Variants in KALRN observed in about 807,000 individuals in gnomAD.
KALRN encodes the protein kalirin RhoGEF kinase, also known as kalirin.
Under a neutral mutation model 353.7 loss-of-function variants are expected in KALRN, and 70 were observed. That is an observed-to-expected ratio of 0.20 (90% CI 0.16 to 0.24). The LOEUF is 0.24. Ranked by LOEUF, KALRN falls within the 10% of genes least tolerant of loss-of-function variation. KALRN has a pLI of 1.00. For synonymous variants in KALRN, 1,391 were observed against 1,434.8 expected (o/e 0.97, Z 0.69); for missense variants, 2,791 against 3,756.7 (o/e 0.74, Z 6.72).
rs3054177 is a variant in KALRN at position 124,265,298 on chromosome 3, C to CTTTTTTTTTTTTTTTTTTTTTT, written c.456+622_456+623insTTTTTTTTTTTTTTTTTTTTTT. ...CTAGTAACTAATTTAAGAAAATATTCTTTTTTTTTTTTTTGAGATAGAGTC... is the reference window on the plus strand; with the variant it reads ...CTAGTAACTAATTTAAGAAAATATTCTTTTTTTTTTTTTTTTTTTTTTTTTTTTTTTTTTTTGAGATAGAGTC... On this transcript the variant is annotated intron_variant, in intron 4 of 59. Transcript: ENST00000682506. Among the ~76,000 whole-genome samples, 24 of 73,112 alleles carry CTTTTTTTTTTTTTTTTTTTTTT rather than the reference C, an allele frequency of 3.3e-4. 5 individuals carry two copies. The highest frequency in any genetic ancestry group is 4.6e-4 in the Non-Finnish European group (17 of 36,820). 48.0% of individuals were successfully genotyped at this position (73,112 alleles called of 152,430 possible).
chr3:124,579,597 A>G (rs1172138430), intron 34 of KALRN, among the ~76,000 whole-genome samples: 1 of 152,192 alleles, frequency 6.6e-6, no homozygotes, highest in Admixed American at 6.5e-5. Context: ...AGGTCCAGGA[A>G]TAAAGCTTTA....
intron 1 of KALRN, among the ~76,000 whole-genome samples, chr3:124,217,363 A>C (rs2077431662): frequency 6.6e-6 from 1 of 152,202 alleles, no homozygotes; most frequent in Non-Finnish European, 1.5e-5. Flanking sequence ...TCCATGGCTA[A>C]TCCATCAGAT....
At chr3:124,361,813 G>A (rs930937905) in intron 10 of KALRN, among the ~76,000 whole-genome samples, 12 of 151,884 alleles carry the variant, frequency 7.9e-5, no homozygotes, top group Non-Finnish European at 1.5e-4. Context: ...AGCAGTGGGG[G>A]TGGGGAGTAG....
chr3:124,540,982 C>G (rs2068967360), intron 33 of KALRN, among the ~76,000 whole-genome samples: 1 of 152,060 alleles, frequency 6.6e-6, no homozygotes, highest in Admixed American at 6.5e-5. Context: ...TTCTTAAAAA[C>G]TGAAAAACAG....
intron 1 of KALRN, among the ~76,000 whole-genome samples, chr3:124,157,700 G>T (rs1009530094): frequency 3.9e-5 from 6 of 152,178 alleles, no homozygotes; most frequent in African/African-American, 1.4e-4. Context: ...ACTAAAAAAA[G>T]GAAAACCATC....
At chr3:124,608,100 C>T (rs577113454) in intron 34 of KALRN, among the ~76,000 whole-genome samples, 1 of 151,612 alleles carries the variant, frequency 6.6e-6, no homozygotes, top group African/African-American at 2.4e-5. Context: ...CCTCTGCCTG[C>T]CTGCTCAAGT....
chr3:124,067,453 CA>C (rs2042463593), intron 1 of KALRN, among the ~76,000 whole-genome samples: 1 of 152,010 alleles, frequency 6.6e-6, no homozygotes, highest in Admixed American at 6.6e-5. Flanking sequence ...GCTCAGATCA[CA>C]TGGTTTATTA....
Position 124,334,201 on chromosome 3 carries a change from T to G in KALRN, c.1417-64T>G. 7.2e-7 allele frequency: 1 copy of G among 1,388,456 alleles called. No homozygotes were observed. Among genetic ancestry groups the G allele is most frequent in the Non-Finnish European group, 1.0e-6 (1 of 978,610 alleles). The allele number at this position is 1,388,456 out of a possible 1,614,324, so 86.0% of individuals were successfully genotyped here. On this transcript the variant is annotated intron_variant, in intron 8 of 59. Coordinates refer to ENST00000682506, the MANE Select transcript of KALRN (RefSeq NM_001388419.1). The surrounding 1 kb of genome is among the most constrained non-coding windows in gnomAD (Gnocchi z 4.2). ...CAGGGACCCTCAGGCAGACACTTCC[T>G]GCTTCTCTCTGTGCCCTGCCTATCA...
chr3:124,434,171 T>C, intron 16 of KALRN, 136 bp from the exon 17 acceptor site: 1 of 618,262 alleles, frequency 1.6e-6, no homozygotes, highest in Non-Finnish European at 2.9e-6. Context: ...AATGTATTAA[T>C]GGTCATGACA....
At chr3:124,047,408 A>G (rs2040581387) in intron 1 of KALRN, among the ~76,000 whole-genome samples, 2 of 151,968 alleles carry the variant, frequency 1.3e-5, no homozygotes, top group South Asian at 4.1e-4. Context: ...TTTATTGTCT[A>G]TAAGCTAAGT....
intron 33 of KALRN, among the ~76,000 whole-genome samples, chr3:124,544,278 G>T (rs1193247078): frequency 6.6e-6 from 1 of 152,028 alleles, no homozygotes; most frequent in Non-Finnish European, 1.5e-5. Context: ...TATCACAAGG[G>T]GGCCAGGTGC....
At chr3:124,047,999 T>TC (rs1230441251) in intron 1 of KALRN, among the ~76,000 whole-genome samples, 1 of 152,160 alleles carries the variant, frequency 6.6e-6, no homozygotes, top group Non-Finnish European at 1.5e-5. Context: ...ACTCCCTTGA[T>TC]CCATGGTTTG....
At chr3:124,476,400 T>C (rs1006613676) in intron 26 of KALRN, among the ~76,000 whole-genome samples, 4 of 151,886 alleles carry the variant, frequency 2.6e-5, no homozygotes, top group African/African-American at 9.6e-5. Context: ...AGAGGTCTCA[T>C]GAGGACCAAA....
intron 48 of KALRN, among the ~76,000 whole-genome samples, chr3:124,673,371 G>A (rs1193864871): frequency 7.0e-6 from 1 of 142,622 alleles, no homozygotes; most frequent in Non-Finnish European, 1.5e-5. Flanking sequence ...AGGTGACATA[G>A]CAAGACCGTG....
At chr3:124,148,963 A>G (rs1052852560) in intron 1 of KALRN, among the ~76,000 whole-genome samples, 4 of 152,242 alleles carry the variant, frequency 2.6e-5, no homozygotes, top group African/African-American at 9.6e-5. Context: ...ACTATATGCC[A>G]ATAACTTTAT....
intron 1 of KALRN, among the ~76,000 whole-genome samples, chr3:124,042,305 A>G (rs145879629): frequency 6.6e-6 from 1 of 152,350 alleles, no homozygotes; most frequent in East Asian, 1.9e-4. Context: ...CTAGGCTCCT[A>G]CATCATGAAG....
chr3:124,394,664 G>A (rs2089936566), intron 11 of KALRN, among the ~76,000 whole-genome samples: 2 of 152,196 alleles, frequency 1.3e-5, no homozygotes, highest in Admixed American at 1.3e-4. Context: ...TACAGGTTAT[G>A]CTCAGTTAAT....
chr3:124,552,516 C>T (rs1462174919), intron 33 of KALRN, among the ~76,000 whole-genome samples: 1 of 152,200 alleles, frequency 6.6e-6, no homozygotes, highest in Non-Finnish European at 1.5e-5. Flanking sequence ...GTATTATCTA[C>T]CCTGATTTGG....
chr3:124,103,722 G>A (rs1269323414), intron 1 of KALRN, among the ~76,000 whole-genome samples: 1 of 152,090 alleles, frequency 6.6e-6, no homozygotes, highest in African/African-American at 2.4e-5. Flanking sequence ...TTGGGAGGCC[G>A]AGGTGGACAG....
Sources: allele counts gnomAD v4.1 joint callset (sites outside exome capture counted in the v4.1 genomes callset), GRCh38; gene constraint gnomAD v4.1.1; non-coding constraint Gnocchi (gnomAD v3.1); transcripts MANE v1.5; gene names NCBI Gene and HGNC (gene_info 2026-07-23, HGNC 2026-07-21).